The following OTUD5 variants were observed in gnomAD, a reference collection of about 807,000 sequenced individuals.
OTUD5 encodes the protein OTU deubiquitinase 5, also known as OTU domain-containing protein 5.
OTUD5 carries 2 observed loss-of-function variants against 36.3 expected under a neutral mutation model. That is an observed-to-expected ratio of 0.06 (90% confidence interval 0.02 to 0.17). OTUD5 has a LOEUF of 0.17. Among genes scored for constraint, OTUD5 ranks in the 10% least tolerant of loss-of-function variants. OTUD5 has a pLI of 1.00. For missense variants in OTUD5, 233 were observed against 512.3 expected, an observed-to-expected ratio of 0.45 and a Z score of 5.26; for synonymous variants, 234 against 214.9, an observed-to-expected ratio of 1.09 and a Z score of -0.78.
At chrX:48,948,446 G>A (rs1557052899) in intron 1 of OTUD5, among the ~76,000 whole-genome samples, 2 of 112,491 alleles carry the variant, frequency 1.8e-5, no homozygotes, top group African/African-American at 6.5e-5. Context: ...CTAGTGTAGA[G>A]GCAACAGGGA....
intron 6 of OTUD5, 27 bp from the exon 7 acceptor site, chrX:48,924,079 A>C (rs1557047146): frequency 3.5e-6 from 4 of 1,158,239 alleles, no homozygotes; most frequent in Non-Finnish European, 4.6e-6. Context: ...AAATGCGTTA[A>C]GGACCACCAG....
Position 48,942,278 on chromosome X carries a change from CACAG to C in OTUD5, c.688+1908_688+1911del, listed in dbSNP as rs1165785097. Reference sequence around the variant, plus strand: ...ACACACACACACACACACACACACACACAGAGAACAGCTAGCTAGATACACACAC... The same window carrying C: ...ACACACACACACACACACACACACACAGAACAGCTAGCTAGATACACACAC... On this transcript the variant is annotated intron_variant, in intron 2 of 8. Transcript: ENST00000376488. 5.9e-3 allele frequency among the ~76,000 whole-genome samples: 566 copies of C among 96,421 alleles called. 6 individuals are homozygous for C. Among genetic ancestry groups the C allele is most frequent in the African/African-American group, 0.021 (533 of 25,226 alleles). The allele number at this position is 96,421 out of a possible 115,157, so 83.7% of individuals were successfully genotyped here. A position where few individuals can be genotyped will look rare whatever the true frequency, so the allele number is the denominator to read the frequency against.
chrX:48,953,289 T>C (rs1303600255), intron 1 of OTUD5, among the ~76,000 whole-genome samples: 4 of 111,614 alleles, frequency 3.6e-5, no homozygotes, highest in African/African-American at 6.5e-5. Flanking sequence ...TCATCAACCC[T>C]GAGCCTCACA....
rs782694741 is a variant in OTUD5 at position 48,922,536 on chromosome X, T to C, written c.*638A>G. ...GGAGGCCAGAAGACAGCAACCCATA[T>C]CTTTGCACCCTCCTCCATGCCCCAT... On this transcript the variant is annotated 3_prime_UTR_variant, in exon 9 of 9. Transcript: ENST00000376488. 1 of 755,354 alleles carries C rather than the reference T, an allele frequency of 1.3e-6. No homozygotes were observed. Among genetic ancestry groups the C allele is most frequent in the Non-Finnish European group, 1.6e-6 (1 of 639,848 alleles). 62.2% of individuals were successfully genotyped at this position (755,354 alleles called of 1,213,427 possible). A position where few individuals can be genotyped will look rare whatever the true frequency, so the allele number is the denominator to read the frequency against.
chrX:48,923,468 T>G lies in OTUD5; in HGVS notation c.1579+165A>C, dbSNP rs781966715. The stretch of plus-strand genomic sequence containing the variant: ...AAACCCCACTTAGACCCCAGACCCT[T>G]CTGGGGCAAATTCCTTGGATCTGAA... On this transcript the variant is annotated intron_variant, in intron 8 of 8. Coordinates refer to ENST00000376488, the MANE Select transcript of OTUD5 (RefSeq NM_001136157.2). Among the ~76,000 whole-genome samples the G allele has an allele frequency of 2.7e-5, 3 of 110,880 alleles. No individual in the cohort carries two copies. The South Asian group carries it at 1.1e-3, about 42-fold the overall frequency.
intron 7 of OTUD5, 27 bp from the exon 8 acceptor site, chrX:48,923,773 G>GGGACCCAGGATCCA: frequency 8.4e-7 from 1 of 1,184,854 alleles, no homozygotes; most frequent in Admixed American, 2.2e-5. Flanking sequence ...GTCAAAGGTA[G>GGGACCCAGGATCCA]GGACCCAGGA....
chrX:48,941,478 T>C (rs2063922567), intron 2 of OTUD5, among the ~76,000 whole-genome samples: 1 of 96,487 alleles, frequency 1.0e-5, no homozygotes, highest in African/African-American at 4.0e-5. Context: ...AAAGAATGCG[T>C]GTCCTTTGGA....
chrX:48,957,754 G>A, upstream of OTUD5: 1 of 794,513 alleles, frequency 1.3e-6, no homozygotes. Flanking sequence ...GGCGGCGGTG[G>A]CGGCGCGCGG....
At chrX:48,942,582 G>C (rs976623529) in intron 2 of OTUD5, among the ~76,000 whole-genome samples, 1 of 109,821 alleles carries the variant, frequency 9.1e-6, no homozygotes, top group Non-Finnish European at 1.9e-5. Context: ...CTTCCTCTGG[G>C]AAACATCCCA....
chrX:48,950,600 T>C (rs781935719), intron 1 of OTUD5, among the ~76,000 whole-genome samples: 1 of 98,218 alleles, frequency 1.0e-5, no homozygotes, highest in African/African-American at 3.8e-5. Flanking sequence ...TGGAGTGCAG[T>C]GGCGCAATCT....
rs782050893 is a variant in OTUD5, at chrX:48,926,068, A to G, written c.1060-18T>C. The G allele has an allele frequency of 1.5e-5, 17 of 1,170,353 alleles. No homozygotes were observed. The highest frequency in any genetic ancestry group is 2.0e-5 in the Non-Finnish European group (17 of 859,798). On this transcript the variant is annotated intron_variant, in intron 5 of 8. Coordinates refer to ENST00000376488, the MANE Select transcript of OTUD5 (RefSeq NM_001136157.2). The stretch of plus-strand genomic sequence containing the variant: ...TCTGCAAACTGCAAGGAGGGAGAGG[A>G]ACAGGGATGTGCAATAACACACTGA...
In OTUD5 at chrX:48,957,193, G is replaced by A. The variant is rs1219957587; in HGVS notation, c.378C>T (p.Ala126=). 13 of 1,117,480 alleles carry A rather than the reference G, an allele frequency of 1.2e-5. No individual in the cohort carries two copies. The highest frequency in any genetic ancestry group is 1.9e-5 in the African/African-American group (1 of 52,522). 92.1% of individuals were successfully genotyped at this position (1,117,480 alleles called of 1,213,427 possible). The change falls in exon 1 of 9, where the codon GCC becomes GCT. Residue 126 remains alanine (A), a synonymous_variant. Transcript: ENST00000376488. ...CACCCACACCCACCACCACGCCCGC[G>A]GCACCCACACCCGCCGCCGCTGCGC... ...ALGAAAAGVG[A]AGVVVGVGGA...
intron 2 of OTUD5, among the ~76,000 whole-genome samples, chrX:48,937,311 T>C (rs1260578278): frequency 1.8e-5 from 2 of 112,041 alleles, no homozygotes; most frequent in Non-Finnish European, 3.8e-5. Flanking sequence ...TAGACTGAGC[T>C]TGGGGTACTG....
upstream of OTUD5, chrX:48,957,774 AGAG>A (rs1453737569): frequency 3.8e-6 from 3 of 787,873 alleles, no homozygotes; most frequent in Admixed American, 8.4e-5. Context: ...GGTCACGCCG[AGAG>A]GAGAACCCGG....
At chrX:48,928,528 AG>A (rs1557048154) in intron 5 of OTUD5, among the ~76,000 whole-genome samples, 2 of 111,571 alleles carry the variant, frequency 1.8e-5, no homozygotes, top group African/African-American at 6.5e-5. Flanking sequence ...TTTTAATTTC[AG>A]GGGGGAAAAA....
intron 1 of OTUD5, among the ~76,000 whole-genome samples, chrX:48,946,290 G>T (rs781875379): frequency 8.9e-6 from 1 of 112,024 alleles, no homozygotes; most frequent in African/African-American, 3.2e-5. Flanking sequence ...TTGATCTACC[G>T]GACAGAGCTG....
intron 2 of OTUD5, among the ~76,000 whole-genome samples, chrX:48,942,515 GC>G (rs2063951920): frequency 9.0e-6 from 1 of 110,581 alleles, no homozygotes; most frequent in African/African-American, 3.3e-5. Context: ...CACCTAACAG[GC>G]CCCCACCTAT....
rs1557047683 is a variant in OTUD5, at chrX:48,926,070, C to T, written c.1060-20G>A. 1 of 1,157,077 alleles carries T rather than the reference C, an allele frequency of 8.6e-7. No homozygotes were observed. Among genetic ancestry groups the T allele is most frequent in the Non-Finnish European group, 1.2e-6 (1 of 848,412 alleles). ...TGCAAACTGCAAGGAGGGAGAGGAA[C>T]AGGGATGTGCAATAACACACTGAAC... On this transcript the variant is annotated intron_variant, in intron 5 of 8. Coordinates refer to ENST00000376488, the MANE Select transcript of OTUD5 (RefSeq NM_001136157.2).
rs1278680247 is a variant in OTUD5 at position 48,957,475 on chromosome X, G to T, written c.96C>A (p.Arg32=). The T allele has an allele frequency of 1.3e-5, 11 of 857,690 alleles. No individual in the cohort carries two copies. The highest frequency in any genetic ancestry group is 1.6e-5 in the Non-Finnish European group (11 of 700,673). The allele number at this position is 857,690 out of a possible 1,213,427, so 70.7% of individuals were successfully genotyped here. Residue 32 remains arginine, a synonymous_variant, in exon 1 of 9, where the codon CGC becomes CGA. Coordinates refer to ENST00000376488, the MANE Select transcript of OTUD5 (RefSeq NM_001136157.2). ...PPGPMPPAPR[R]GGGVGVGGGG... ...CGCCGCCCACGCCCACACCTCCGCC[G>T]CGCCGCGGCGCCGGGGGCATCGGCC...
Sources: gnomAD v4.1 joint callset for allele counts (sites outside exome capture counted in the v4.1 genomes callset) on GRCh38, gnomAD v4.1.1 for gene constraint, MANE v1.5 for transcripts, NCBI Gene and HGNC (gene_info 2026-07-23, HGNC 2026-07-21) for gene names.